ROBO2: variants seen among roughly 807,000 people sequenced by gnomAD.
ROBO2 encodes roundabout guidance receptor 2, also known as roundabout homolog 2.
Under a neutral mutation model 160.8 loss-of-function variants are expected in ROBO2, and 53 were observed. The observed-to-expected ratio is 0.33, with a 90% CI of 0.26 to 0.41. The LOEUF (loss-of-function observed/expected upper bound fraction) is 0.41. ROBO2 is among the 10% of genes least tolerant of loss of function. The pLI is 1.00. For missense variants in ROBO2, 1,577 were observed against 1,722.4 expected, an observed-to-expected ratio of 0.92 and a Z score of 1.49; for synonymous variants, 664 against 611.7, an observed-to-expected ratio of 1.09 and a Z score of -1.26.
At chr3:76,030,297 T>C (rs944673064) in intron 2 of ROBO2, among the ~76,000 whole-genome samples, 6 of 150,690 alleles carry the variant, frequency 4.0e-5, no homozygotes, top group African/African-American at 1.5e-4. Flanking sequence ...TTGCAAAAAT[T>C]TTCTCCCGTT....
At chr3:77,252,191 C>A (rs2153303132) in intron 2 of ROBO2, among the ~76,000 whole-genome samples, 1 of 152,198 alleles carries the variant, frequency 6.6e-6, no homozygotes, top group Admixed American at 6.5e-5. Flanking sequence ...CAAATTTTTG[C>A]AACTGTATAA....
At chr3:77,327,270 T>G (rs760661554) in intron 2 of ROBO2, among the ~76,000 whole-genome samples, 37 of 152,142 alleles carry the variant, frequency 2.4e-4, no homozygotes, top group Non-Finnish European at 4.7e-4. Flanking sequence ...GGATTCAATA[T>G]CGGGAAGAAA....
At chr3:76,717,276 G>A (rs1365232736) in intron 2 of ROBO2, among the ~76,000 whole-genome samples, 1 of 151,918 alleles carries the variant, frequency 6.6e-6, no homozygotes, top group African/African-American at 2.4e-5. Flanking sequence ...GGTGGATCAC[G>A]AGGTCAGGAG....
chr3:77,638,431 T>C (rs2095298787), intron 24 of ROBO2, among the ~76,000 whole-genome samples: 2 of 152,212 alleles, frequency 1.3e-5, no homozygotes, highest in African/African-American at 4.8e-5. Flanking sequence ...CATGAGTGGT[T>C]GTTGGGAGGT....
intron 2 of ROBO2, among the ~76,000 whole-genome samples, chr3:77,230,658 G>A (rs2087061843): frequency 6.6e-6 from 1 of 152,062 alleles, no homozygotes; most frequent in Non-Finnish European, 1.5e-5. Context: ...TCTGAAAATT[G>A]TTTTGTTTCA....
chr3:77,510,664 C>T (rs563852883), intron 5 of ROBO2, among the ~76,000 whole-genome samples: 43 of 151,996 alleles, frequency 2.8e-4, no homozygotes, highest in Non-Finnish European at 5.4e-4. Flanking sequence ...GAGATAGGGC[C>T]TGTTAATTAT....
chr3:75,956,792 T>C (rs1195041358), intron 2 of ROBO2, among the ~76,000 whole-genome samples: 1 of 151,818 alleles, frequency 6.6e-6, no homozygotes, highest in Non-Finnish European at 1.5e-5. Context: ...TATTCACTAC[T>C]AGAATGCATG....
intron 2 of ROBO2, among the ~76,000 whole-genome samples, chr3:77,303,190 A>G (rs1580883952): frequency 2.0e-5 from 3 of 152,276 alleles, no homozygotes; most frequent in South Asian, 4.1e-4. Flanking sequence ...CTATATTGCT[A>G]CAAAGCACTA....
intron 2 of ROBO2, among the ~76,000 whole-genome samples, chr3:76,491,072 G>C (rs545104424): frequency 2.0e-5 from 3 of 151,950 alleles, no homozygotes; most frequent in Non-Finnish European, 4.4e-5. Flanking sequence ...CGATTCTCCT[G>C]CTTCAGCCTC....
intron 1 of ROBO2, among the ~76,000 whole-genome samples, chr3:77,074,231 A>C (rs1013226392): frequency 6.6e-6 from 1 of 152,210 alleles, no homozygotes; most frequent in Non-Finnish European, 1.5e-5. Flanking sequence ...ATGGCACTTT[A>C]TGTTTCCACA....
chr3:76,764,226 A>T (rs550598725), intron 2 of ROBO2, among the ~76,000 whole-genome samples: 4 of 150,538 alleles, frequency 2.7e-5, no homozygotes, highest in African/African-American at 9.8e-5. Context: ...ACTGAAACAT[A>T]ACCCAAAACA....
chr3:76,143,484 A>C (rs746463549), intron 2 of ROBO2, among the ~76,000 whole-genome samples: 1 of 152,090 alleles, frequency 6.6e-6, no homozygotes, highest in Non-Finnish European at 1.5e-5. Flanking sequence ...CTTGATAAGG[A>C]GTATCCAATA....
chr3:77,457,654 T>A (rs1027684492), intron 2 of ROBO2, among the ~76,000 whole-genome samples: 1 of 152,156 alleles, frequency 6.6e-6, no homozygotes, highest in Non-Finnish European at 1.5e-5. Flanking sequence ...GTGCTTTCAC[T>A]GAGAAAGACT....
intron 2 of ROBO2, among the ~76,000 whole-genome samples, chr3:77,011,054 C>CTTTCTTCT (rs367569139): frequency 1.2e-4 from 13 of 106,746 alleles, no homozygotes; most frequent in African/African-American, 4.8e-4. Context: ...TTCTTTCTTT[C>CTTTCTTCT]TTCTTTCTTT....
chr3:77,529,501 T>C (rs2091463379), intron 6 of ROBO2, among the ~76,000 whole-genome samples: 1 of 151,750 alleles, frequency 6.6e-6, no homozygotes, highest in African/African-American at 2.4e-5. Flanking sequence ...CACAGAAACC[T>C]CATGCCAATA....
chr3:76,303,794 A>G (rs1423374774), intron 2 of ROBO2, among the ~76,000 whole-genome samples: 2 of 152,210 alleles, frequency 1.3e-5, no homozygotes, highest in African/African-American at 4.8e-5. Context: ...TGAAGGTTCA[A>G]CTAATGCAGC....
intron 2 of ROBO2, among the ~76,000 whole-genome samples, chr3:77,474,923 A>T (rs1334509081): frequency 1.3e-5 from 2 of 152,214 alleles, no homozygotes; most frequent in African/African-American, 4.8e-5. Flanking sequence ...ATGTAAATAC[A>T]GACCCCAGAA....
At chr3:77,475,949 C>G (rs2083944247) in intron 2 of ROBO2, among the ~76,000 whole-genome samples, 1 of 152,132 alleles carries the variant, frequency 6.6e-6, no homozygotes, top group Non-Finnish European at 1.5e-5. Context: ...GCAGTGAAAT[C>G]AGTAAATTAA....
chr3:76,469,219 AATAATG>A (rs1413999776), intron 2 of ROBO2, among the ~76,000 whole-genome samples: 15 of 152,024 alleles, frequency 9.9e-5, no homozygotes, highest in African/African-American at 3.1e-4. Context: ...CAATGACGAT[AATAATG>A]ATGATGATGA....
Sources: allele counts gnomAD v4.1 joint callset (sites outside exome capture counted in the v4.1 genomes callset), GRCh38; gene constraint gnomAD v4.1.1; transcripts MANE v1.5; gene names NCBI Gene and HGNC (gene_info 2026-07-23, HGNC 2026-07-21).